ZFPM2: variants seen among roughly 807,000 people sequenced by gnomAD.
The protein encoded by ZFPM2 is zinc finger protein, FOG family member 2, also known as zinc finger protein ZFPM2.
A neutral mutation model predicts 98.6 loss-of-function variants in ZFPM2; 20 were observed. The observed-to-expected ratio is 0.20, with a 90% CI of 0.14 to 0.29. The LOEUF (loss-of-function observed/expected upper bound fraction) is 0.29. Ranked by LOEUF, ZFPM2 falls within the 10% of genes least tolerant of loss-of-function variation. The pLI, the probability that ZFPM2 is intolerant of heterozygous loss-of-function variation, is 1.00. For missense variants in ZFPM2, 1,310 were observed against 1,388.6 expected (o/e 0.94, Z 0.90); for synonymous variants, 518 against 502.7 (o/e 1.03, Z -0.41).
chr8:105,695,184 G>T (rs1226950594), intron 5 of ZFPM2, among the ~76,000 whole-genome samples: 1 of 152,040 alleles, frequency 6.6e-6, no homozygotes, highest in Non-Finnish European at 1.5e-5. Flanking sequence ...AAGAAATAAA[G>T]ATTCCTGTTA....
At chr8:105,540,784 A>G (rs1013674934) in intron 3 of ZFPM2, among the ~76,000 whole-genome samples, 1 of 152,164 alleles carries the variant, frequency 6.6e-6, no homozygotes, top group African/African-American at 2.4e-5. Context: ...TAATATCACA[A>G]AGATGAAATA....
At chr8:105,641,770 T>C (rs1412550235) in intron 5 of ZFPM2, among the ~76,000 whole-genome samples, 1 of 152,144 alleles carries the variant, frequency 6.6e-6, no homozygotes, top group East Asian at 1.9e-4. Flanking sequence ...CATTTGTTTT[T>C]ATATCAGCAT....
At chr8:105,412,794 A>AG (rs1811602956) in intron 1 of ZFPM2, among the ~76,000 whole-genome samples, 1 of 151,732 alleles carries the variant, frequency 6.6e-6, no homozygotes, top group Non-Finnish European at 1.5e-5. Flanking sequence ...CTTCTCATTA[A>AG]ATGGCTCTGT....
At chr8:105,565,618 G>T (rs1288344553) in intron 4 of ZFPM2, among the ~76,000 whole-genome samples, 1 of 152,110 alleles carries the variant, frequency 6.6e-6, no homozygotes, top group African/African-American at 2.4e-5. Context: ...CTGTGATGTG[G>T]TAATAATAAT....
chr8:105,790,836 A>G (rs896956846), intron 6 of ZFPM2, among the ~76,000 whole-genome samples: 3 of 152,062 alleles, frequency 2.0e-5, no homozygotes, highest in Non-Finnish European at 4.4e-5. Context: ...ATTCCTAAGT[A>G]TTTTATTCTC....
At chr8:105,587,010 C>G (rs1815734076) in intron 4 of ZFPM2, among the ~76,000 whole-genome samples, 1 of 151,630 alleles carries the variant, frequency 6.6e-6, no homozygotes, top group South Asian at 2.1e-4. Context: ...GGCACGGTGG[C>G]TCATGCCTGT....
intron 4 of ZFPM2, among the ~76,000 whole-genome samples, chr8:105,580,673 C>T (rs755168659): frequency 6.6e-6 from 1 of 151,982 alleles, no homozygotes; most frequent in Non-Finnish European, 1.5e-5. Flanking sequence ...AAGATTGCAG[C>T]ACCTATAATT....
At chr8:105,761,991 T>C (rs760473261) in intron 5 of ZFPM2, among the ~76,000 whole-genome samples, 3 of 151,970 alleles carry the variant, frequency 2.0e-5, no homozygotes, top group Non-Finnish European at 4.4e-5. Flanking sequence ...CTTTTTGTAC[T>C]GCTCTTTCCC....
At chr8:105,610,685 A>G (rs1816291111) in intron 4 of ZFPM2, among the ~76,000 whole-genome samples, 1 of 152,182 alleles carries the variant, frequency 6.6e-6, no homozygotes, top group African/African-American at 2.4e-5. Flanking sequence ...ATTTATTTTC[A>G]GAAGTGTCCA....
intron 3 of ZFPM2, among the ~76,000 whole-genome samples, chr8:105,488,745 C>CA (rs1813288461): frequency 6.6e-6 from 1 of 152,062 alleles, no homozygotes; most frequent in Non-Finnish European, 1.5e-5. Flanking sequence ...GCCTGGGTGA[C>CA]AGAGCGAGAC....
chr8:105,528,717 T>C (rs1305137268), intron 3 of ZFPM2, among the ~76,000 whole-genome samples: 2 of 152,124 alleles, frequency 1.3e-5, no homozygotes, highest in African/African-American at 4.8e-5. Context: ...TTTGAGACTA[T>C]TATACTATAT....
intron 1 of ZFPM2, among the ~76,000 whole-genome samples, chr8:105,363,761 G>C (rs902329439): frequency 6.6e-6 from 1 of 152,054 alleles, no homozygotes; most frequent in Non-Finnish European, 1.5e-5. Flanking sequence ...TAGGAATGGA[G>C]CAGGCAGATA....
At chr8:105,393,330 C>CTGTCTGTCTTTCTT (rs1245789213) in intron 1 of ZFPM2, among the ~76,000 whole-genome samples, 39 of 132,896 alleles carry the variant, frequency 2.9e-4, no homozygotes, top group Middle Eastern at 3.7e-3. Flanking sequence ...CCCTCTCTCT[C>CTGTCTGTCTTTCTT]TCTTTGCCTT....
At chr8:105,642,390 T>G (rs1340804985) in intron 5 of ZFPM2, among the ~76,000 whole-genome samples, 5 of 152,108 alleles carry the variant, frequency 3.3e-5, no homozygotes, top group African/African-American at 1.2e-4. Context: ...TTTCATAATT[T>G]TCTTCACTTT....
At chr8:105,706,919 T>C (rs1811277552) in intron 5 of ZFPM2, among the ~76,000 whole-genome samples, 1 of 152,126 alleles carries the variant, frequency 6.6e-6, no homozygotes, top group Admixed American at 6.5e-5. Context: ...TGGTTTCTTA[T>C]GAAAAATACT....
intron 1 of ZFPM2, among the ~76,000 whole-genome samples, chr8:105,376,254 T>G (rs1034573848): frequency 1.3e-5 from 2 of 152,170 alleles, no homozygotes; most frequent in Admixed American, 1.3e-4. Context: ...TCTCTTAGTT[T>G]TCTTCCCATT....
At chr8:105,449,325 CAT>C (rs1190187516) in intron 3 of ZFPM2, among the ~76,000 whole-genome samples, 3 of 152,128 alleles carry the variant, frequency 2.0e-5, no homozygotes, top group South Asian at 2.1e-4. Context: ...CCCACAATAA[CAT>C]GTGTTAATGC....
In ZFPM2 at chr8:105,624,280, G is replaced by A. The variant is rs146704379; in HGVS notation, c.421-9966G>A. Among the ~76,000 whole-genome samples, 3 of 152,246 alleles carry A rather than the reference G, an allele frequency of 2.0e-5. No homozygotes were observed. In the East Asian group the frequency reaches 5.8e-4, roughly 29 times the overall value. ...AGCACTGACACACTTTTTGCACATT[G>A]CACTAGGTGCAAGCCCAGAAATTCT... On this transcript the variant is annotated intron_variant, in intron 4 of 7. Coordinates refer to ENST00000407775, the MANE Select transcript of ZFPM2 (RefSeq NM_012082.4).
In ZFPM2 at chr8:105,644,283, CTTTTT is replaced by C. The variant is rs749074804; in HGVS notation, c.532+9936_532+9940del. ...CATTGCTTTTATTTTTCTTTCTTTT[CTTTTT>C]TTTTTTTTTAAAAAAAAAACAGGGT... On this transcript the variant is annotated intron_variant, in intron 5 of 7. Coordinates refer to ENST00000407775, the MANE Select transcript of ZFPM2 (RefSeq NM_012082.4). Among the ~76,000 whole-genome samples the C allele has an allele frequency of 3.1e-3, 425 of 138,554 alleles. 1 individual carries two copies. The highest frequency in any genetic ancestry group is 0.012 in the South Asian group (51 of 4,374). 90.9% of individuals were successfully genotyped at this position (138,554 alleles called of 152,430 possible).
Sources: allele counts gnomAD v4.1 joint callset (sites outside exome capture counted in the v4.1 genomes callset), GRCh38; gene constraint gnomAD v4.1.1; transcripts MANE v1.5; gene names NCBI Gene and HGNC (gene_info 2026-07-23, HGNC 2026-07-21).